ZNF79: variants seen among roughly 807,000 people sequenced by gnomAD.
The protein encoded by ZNF79 is zinc finger protein 79.
ZNF79 carries 13 observed loss-of-function variants against 14.9 expected under a neutral mutation model. The observed-to-expected ratio is 0.87, with a 90% CI of 0.57 to 1.38. The LOEUF is 1.38. ZNF79 is among the 40% of genes most tolerant of loss of function. The pLI, the probability that ZNF79 is intolerant of heterozygous loss-of-function variation, is 0.00. For synonymous variants in ZNF79, 223 were observed against 235.1 expected (o/e 0.95, Z 0.47); for missense variants, 631 against 630.6 (o/e 1.00, Z -0.01).
rs375721876 is a variant in ZNF79, at chr9:127,445,091, A to G, written c.1391A>G (p.Gln464Arg). The G allele has an allele frequency of 2.5e-6, 4 of 1,614,074 alleles. No individual in the cohort carries two copies. Among genetic ancestry groups the G allele is most frequent in the Non-Finnish European group, 3.4e-6 (4 of 1,180,010 alleles). ...CAGAGCTCATCCCTTAGTCAGCATCAGAGAATCCACACAGGCGTGAAACCC... is the reference window on the plus strand; with the variant it reads ...CAGAGCTCATCCCTTAGTCAGCATCGGAGAATCCACACAGGCGTGAAACCC... ...FNQSSSLSQH[Q>R]RIHTGVKPYE... Residue 464 changes from glutamine (Q) to arginine (R), a missense_variant, in exon 5 of 5, where the codon CAG becomes CGG. Transcript: ENST00000342483.
In ZNF79 at chr9:127,440,933, T is replaced by C. The variant is rs554807320; in HGVS notation, c.329-3096T>C. Among the ~76,000 whole-genome samples the C allele has an allele frequency of 1.5e-4, 23 of 152,142 alleles. No individual in the cohort carries two copies. The East Asian group carries it at 4.3e-3, about 28-fold the overall frequency. On this transcript the variant is annotated intron_variant, in intron 4 of 4. Transcript: ENST00000342483. ...TAAAAGGGAGATCAGTAGCTCTGTT[T>C]GGGGTGTGTCAGGCCTGAGATGTCA...
intron 4 of ZNF79, 57 bp from the exon 5 acceptor site, chr9:127,443,972 C>T: frequency 8.8e-6 from 13 of 1,472,316 alleles, no homozygotes; most frequent in Non-Finnish European, 1.2e-5. Flanking sequence ...CAGACTCCTT[C>T]AGCCTTTGGT....
intron 4 of ZNF79, among the ~76,000 whole-genome samples, chr9:127,442,227 C>G (rs1164232003): frequency 1.3e-5 from 2 of 151,102 alleles, no homozygotes; most frequent in Non-Finnish European, 2.9e-5. Context: ...ATGGTGAAAC[C>G]CTGTCTTTAC....
At position 127,445,083 on chromosome 9, in the gene ZNF79, T is replaced by C; in HGVS notation, c.1383T>C (p.Ser461=). ...GKAFNQSSSL[S]QHQRIHTGVK... ...CGTTTAACCAGAGCTCATCCCTTAGTCAGCATCAGAGAATCCACACAGGCG... is the reference window on the plus strand; with the variant it reads ...CGTTTAACCAGAGCTCATCCCTTAGCCAGCATCAGAGAATCCACACAGGCG... The change falls in exon 5 of 5, where the codon AGT becomes AGC. Residue 461 remains serine (S), a synonymous_variant. Coordinates refer to ENST00000342483, the MANE Select transcript of ZNF79 (RefSeq NM_007135.3). The C allele has an allele frequency of 6.2e-7, 1 of 1,610,368 alleles. No individual in the cohort carries two copies. Among genetic ancestry groups the C allele is most frequent in the Non-Finnish European group, 8.5e-7 (1 of 1,178,886 alleles).
intron 4 of ZNF79, among the ~76,000 whole-genome samples, chr9:127,437,170 T>TGC (rs2131955262): frequency 6.6e-6 from 1 of 152,186 alleles, no homozygotes; most frequent in Non-Finnish European, 1.5e-5. Flanking sequence ...CCCTGGAGCA[T>TGC]TCTTTGCATG....
intron 2 of ZNF79, among the ~76,000 whole-genome samples, chr9:127,434,463 A>G (rs116478706): frequency 2.3e-3 from 355 of 152,170 alleles, no homozygotes; most frequent in African/African-American, 8.0e-3. Context: ...CGCTCTTTCT[A>G]TATTACCTCT....
intron 4 of ZNF79, among the ~76,000 whole-genome samples, chr9:127,438,669 G>A (rs1833991788): frequency 6.6e-6 from 1 of 152,170 alleles, no homozygotes; most frequent in African/African-American, 2.4e-5. Flanking sequence ...TTCCTCCAGG[G>A]TATGGGGCAG....
chr9:127,429,637 G>GGTTTT (rs1225450544), intron 2 of ZNF79, among the ~76,000 whole-genome samples: 2 of 151,286 alleles, frequency 1.3e-5, no homozygotes, highest in African/African-American at 2.4e-5. Context: ...CATCATTGTT[G>GGTTTT]GTTTTGTTTT....
chr9:127,443,081 G>A (rs373581404), intron 4 of ZNF79, among the ~76,000 whole-genome samples: 5 of 152,190 alleles, frequency 3.3e-5, no homozygotes, highest in African/African-American at 1.2e-4. Context: ...TGAAGGACCC[G>A]CCTGAGGCTG....
chr9:127,428,344 A>T (rs888541780), intron 1 of ZNF79, among the ~76,000 whole-genome samples: 1 of 152,188 alleles, frequency 6.6e-6, no homozygotes, highest in African/African-American at 2.4e-5. Flanking sequence ...TATGGTGTGA[A>T]GTGAGACTCT....
intron 2 of ZNF79, among the ~76,000 whole-genome samples, chr9:127,434,247 C>G (rs764383157): frequency 6.6e-6 from 1 of 152,140 alleles, no homozygotes; most frequent in Non-Finnish European, 1.5e-5. Context: ...GTGGTCCTCC[C>G]TCCCCGCCTT....
At chr9:127,424,881 G>T in intron 1 of ZNF79, 78 bp downstream of exon 1, 1 of 1,600,204 alleles carries the variant, frequency 6.2e-7, no homozygotes, top group South Asian at 1.1e-5. Context: ...TGTGTGAGCC[G>T]AATCAGAACT....
chr9:127,429,691 T>C (rs1279955858), intron 2 of ZNF79, among the ~76,000 whole-genome samples: 2 of 152,096 alleles, frequency 1.3e-5, no homozygotes, highest in Non-Finnish European at 2.9e-5. Context: ...AAGTAATTCA[T>C]GTTCCCCACA....
intron 2 of ZNF79, among the ~76,000 whole-genome samples, chr9:127,429,373 C>T (rs545710134): frequency 1.4e-3 from 204 of 151,062 alleles, no homozygotes; most frequent in Middle Eastern, 6.8e-3. Context: ...TAGAATGCAG[C>T]GCAGTGGTGA....
intron 4 of ZNF79, among the ~76,000 whole-genome samples, chr9:127,441,062 C>T (rs1204885800): frequency 6.6e-6 from 1 of 152,122 alleles, no homozygotes; most frequent in Admixed American, 6.6e-5. Flanking sequence ...CTTCCCATGG[C>T]TTCTTGTCAC....
chr9:127,434,751 C>G (rs932258159), intron 2 of ZNF79, among the ~76,000 whole-genome samples: 1 of 152,158 alleles, frequency 6.6e-6, no homozygotes, highest in Non-Finnish European at 1.5e-5. Flanking sequence ...CGGGTTCAAG[C>G]AATTCTTCTG....
At chr9:127,432,605 A>C (rs1389776264) in intron 2 of ZNF79, among the ~76,000 whole-genome samples, 1 of 147,484 alleles carries the variant, frequency 6.8e-6, no homozygotes, top group Non-Finnish European at 1.5e-5. Context: ...TCTGTGCTTT[A>C]TGAGGATGGA....
chr9:127,434,704 A>G (rs2131951501), intron 2 of ZNF79, among the ~76,000 whole-genome samples: 1 of 152,322 alleles, frequency 6.6e-6, no homozygotes, highest in East Asian at 1.9e-4. Flanking sequence ...GCTGGAGTGC[A>G]GTGGCGTGAT....
At chr9:127,430,806 C>T (rs578073233) in intron 2 of ZNF79, among the ~76,000 whole-genome samples, 7 of 152,240 alleles carry the variant, frequency 4.6e-5, no homozygotes, top group South Asian at 2.1e-4. Flanking sequence ...ATGGGATTGC[C>T]GGGTCGAATG....
Sources: gnomAD v4.1 joint callset for allele counts (sites outside exome capture counted in the v4.1 genomes callset) on GRCh38, gnomAD v4.1.1 for gene constraint, MANE v1.5 for transcripts, NCBI Gene and HGNC (gene_info 2026-07-23, HGNC 2026-07-21) for gene names.